Variants in ALG9 observed in about 807,000 individuals in gnomAD.
ALG9 encodes the protein ALG9 alpha-1,2-mannosyltransferase, also known as alpha-1,2-mannosyltransferase ALG9.
ALG9 carries 55 observed loss-of-function variants against 81.8 expected under a neutral mutation model. That is an observed-to-expected ratio of 0.67 (90% CI 0.54 to 0.84). ALG9 has a LOEUF of 0.84. ALG9 is among the 40% of genes least tolerant of loss of function. The pLI is 0.00. For synonymous variants in ALG9, 278 were observed against 274.3 expected, an observed-to-expected ratio of 1.01 and a Z score of -0.13; for missense variants, 629 against 745.0, an observed-to-expected ratio of 0.84 and a Z score of 1.81.
At chr11:111,779,110 G>A (rs535816254), downstream of ALG9, among the ~76,000 whole-genome samples, 14 of 151,290 alleles carry the variant, frequency 9.3e-5, no homozygotes, top group African/African-American at 2.9e-4. Context: ...CACCGCGGCC[G>A]GCCAATAGTG....
chr11:111,812,714 T>G (rs1226983467), intron 13 of ALG9, among the ~76,000 whole-genome samples: 1 of 151,676 alleles, frequency 6.6e-6, no homozygotes, highest in African/African-American at 2.4e-5. Flanking sequence ...GTCAGGAGTT[T>G]GAGACCAGCC....
chr11:111,861,099 T>C (rs1555147519), intron 4 of ALG9, among the ~76,000 whole-genome samples: 1 of 152,206 alleles, frequency 6.6e-6, no homozygotes, highest in African/African-American at 2.4e-5. Flanking sequence ...GCCTGGCACA[T>C]AGTTGCTCAA....
At chr11:111,864,530 T>C (rs545429042) in intron 4 of ALG9, 9 of 645,726 alleles carry the variant, frequency 1.4e-5, no homozygotes, top group African/African-American at 1.1e-4. Context: ...AGAGCTAAAT[T>C]TGAAGCCTGT....
downstream of ALG9, among the ~76,000 whole-genome samples, chr11:111,781,113 T>C (rs1945911437): frequency 6.6e-6 from 1 of 152,214 alleles, no homozygotes; most frequent in Non-Finnish European, 1.5e-5. Context: ...TGTGGACTTC[T>C]CCTTCCTGGA....
At chr11:111,867,362 G>A (rs1283912985) in intron 3 of ALG9, among the ~76,000 whole-genome samples, 1 of 152,162 alleles carries the variant, frequency 6.6e-6, no homozygotes, top group Non-Finnish European at 1.5e-5. Flanking sequence ...TCCATCGATA[G>A]ATTCCAACAC....
At chr11:111,779,331 G>A (rs782445414), downstream of ALG9, among the ~76,000 whole-genome samples, 26 of 152,024 alleles carry the variant, frequency 1.7e-4, no homozygotes, top group Non-Finnish European at 3.1e-4. Context: ...GTCAAATACA[G>A]TTTGTGCGAG....
At chr11:111,848,395 C>A (rs782213680) in intron 8 of ALG9, among the ~76,000 whole-genome samples, 3 of 151,968 alleles carry the variant, frequency 2.0e-5, no homozygotes, top group African/African-American at 7.3e-5. Flanking sequence ...AGGAACAGTT[C>A]GTGACCAGCT....
chr11:111,816,432 A>T (rs1009166828), intron 13 of ALG9, among the ~76,000 whole-genome samples: 1 of 152,044 alleles, frequency 6.6e-6, no homozygotes, highest in Non-Finnish European at 1.5e-5. Context: ...TATTTTTTGT[A>T]GAGACGGGGG....
intron 13 of ALG9, among the ~76,000 whole-genome samples, chr11:111,821,481 A>T (rs532068420): frequency 4.6e-4 from 70 of 151,856 alleles, no homozygotes; most frequent in African/African-American, 1.6e-3. Flanking sequence ...TTTCCCAATG[A>T]CTCCGCCAAG....
the ALG9 span, among the ~76,000 whole-genome samples, chr11:111,776,327 C>T: frequency 4.5e-4 from 69 of 152,252 alleles, no homozygotes; most frequent in Non-Finnish European, 7.4e-4. Context: ...TAGTGGTTCA[C>T]GCCTATAATC....
At position 111,865,176 on chromosome 11, in the gene ALG9, C is replaced by T; in HGVS notation, c.476+5G>A. The T allele has an allele frequency of 1.9e-6, 3 of 1,539,864 alleles. No homozygotes were observed. Among genetic ancestry groups the T allele is most frequent in the Non-Finnish European group, 2.6e-6 (3 of 1,143,402 alleles). On this transcript the variant is annotated splice_donor_5th_base_variant and intron_variant, in intron 4 of 14. Transcript: ENST00000616540. ...CACTTTTAGAAGCAAAGTTTTTATA[C>T]TCACTTGTAAAAGTAAAGTTCACAA...
At chr11:111,850,657 A>G (rs1006844746) in intron 8 of ALG9, among the ~76,000 whole-genome samples, 6 of 137,686 alleles carry the variant, frequency 4.4e-5, no homozygotes, top group Admixed American at 8.0e-5. Flanking sequence ...CAGTGAGCAG[A>G]GATCGCACCA....
intron 9 of ALG9, 27 bp from the exon 10 acceptor site, chr11:111,840,836 T>C: frequency 6.2e-7 from 1 of 1,613,302 alleles, no homozygotes; most frequent in South Asian, 1.1e-5. Flanking sequence ...AATACCCATC[T>C]TTCATTATAT....
At chr11:111,840,559 T>C in intron 10 of ALG9, 96 bp downstream of exon 10, 3 of 1,408,642 alleles carry the variant, frequency 2.1e-6, no homozygotes, top group Non-Finnish European at 3.0e-6. Context: ...TAAAATATCT[T>C]AGGTGGAAGC....
rs928163440 is a variant in ALG9 at position 111,854,017 on chromosome 11, C to T, written c.702-281G>A. The stretch of plus-strand genomic sequence containing the variant: ...AATATATGTGCCCTACTGTCTTACA[C>T]CCACCCTGCCAAATAAATAAGTACT... On this transcript the variant is annotated intron_variant, in intron 6 of 14. Coordinates refer to ENST00000616540, the MANE Select transcript of ALG9 (RefSeq NM_024740.2). 4.6e-5 allele frequency among the ~76,000 whole-genome samples: 7 copies of T among 152,044 alleles called. 1 individual carries two copies. The highest frequency in any genetic ancestry group is 1.0e-4 in the Non-Finnish European group (7 of 68,018).
intron 13 of ALG9, among the ~76,000 whole-genome samples, chr11:111,812,915 C>CGAAAAA (rs71461594): frequency 5.1e-5 from 5 of 98,770 alleles, no homozygotes; most frequent in Non-Finnish European, 7.4e-5. Flanking sequence ...GACTCTGTCT[C>CGAAAAA]AAAAAAAAAA....
intron 14 of ALG9, among the ~76,000 whole-genome samples, chr11:111,788,135 G>A (rs963142431): frequency 6.6e-6 from 1 of 152,178 alleles, no homozygotes; most frequent in Non-Finnish European, 1.5e-5. Context: ...GTGCTCCACT[G>A]GCAGTCCTTT....
Position 111,809,402 on chromosome 11 carries a change from C to T in ALG9, c.1733+241G>A, listed in dbSNP as rs111782637. On this transcript the variant is annotated intron_variant, in intron 14 of 14. Transcript: ENST00000616540. ...AAAATTAGCCGGGCATGGTGGTGTG[C>T]GCCTGTAATCCCAGCTACTTGGGAG... 2.6e-5 allele frequency among the ~76,000 whole-genome samples: 4 copies of T among 151,936 alleles called. 1 individual carries two copies. The highest frequency in any genetic ancestry group is 9.7e-5 in the African/African-American group (4 of 41,422).
At chr11:111,788,239 A>G (rs1591777976) in intron 14 of ALG9, among the ~76,000 whole-genome samples, 1 of 152,144 alleles carries the variant, frequency 6.6e-6, no homozygotes, top group Non-Finnish European at 1.5e-5. Flanking sequence ...GCCTGCACAC[A>G]ATGACACTGT....
Sources: allele counts gnomAD v4.1 joint callset (sites outside exome capture counted in the v4.1 genomes callset), GRCh38; gene constraint gnomAD v4.1.1; transcripts MANE v1.5; gene names NCBI Gene and HGNC (gene_info 2026-07-23, HGNC 2026-07-21).